TOX: variants seen among roughly 807,000 people sequenced by gnomAD.
TOX encodes the protein thymocyte selection associated high mobility group box, also known as thymocyte selection-associated high mobility group box protein TOX.
In TOX, 11 loss-of-function variants were observed where a neutral mutation model predicts 53.7. The ratio of observed to expected loss-of-function variants is 0.20; its 90% CI spans 0.13 to 0.34. The LOEUF (loss-of-function observed/expected upper bound fraction) is 0.34. Ranked by LOEUF, TOX falls within the 10% of genes least tolerant of loss-of-function variation. TOX has a pLI of 1.00. For synonymous variants in TOX, 225 were observed against 245.3 expected (o/e 0.92, Z 0.77); for missense variants, 570 against 664.6 (o/e 0.86, Z 1.56).
chr8:59,064,749 T>C (rs1195248714), intron 1 of TOX, among the ~76,000 whole-genome samples: 2 of 152,206 alleles, frequency 1.3e-5, no homozygotes, highest in African/African-American at 4.8e-5. Flanking sequence ...ACATTTTCTC[T>C]CTGATTTCCA....
chr8:58,839,321 T>C (rs536049790), intron 4 of TOX, among the ~76,000 whole-genome samples: 2 of 152,346 alleles, frequency 1.3e-5, no homozygotes, highest in African/African-American at 4.8e-5. Context: ...AATAGCTACA[T>C]ATGACTAATG....
intron 1 of TOX, among the ~76,000 whole-genome samples, chr8:59,081,578 T>C (rs191112343): frequency 6.6e-6 from 1 of 152,326 alleles, no homozygotes; most frequent in African/African-American, 2.4e-5. Context: ...CAGAGCATCA[T>C]TCAGCATCTC....
chr8:58,984,354 C>T (rs1329482776), intron 1 of TOX, among the ~76,000 whole-genome samples: 2 of 152,072 alleles, frequency 1.3e-5, no homozygotes, highest in African/African-American at 4.8e-5. Flanking sequence ...TGGGTAAAGA[C>T]CTTGGACAGA....
intron 3 of TOX, among the ~76,000 whole-genome samples, chr8:58,903,486 C>A (rs1172166079): frequency 1.3e-5 from 2 of 152,206 alleles, no homozygotes; most frequent in Non-Finnish European, 2.9e-5. Flanking sequence ...ATCCAAAATT[C>A]AGATATAGTT....
rs879734927 is a variant in TOX at position 59,117,330 on chromosome 8, C to T, written c.102+1556G>A. Among the ~76,000 whole-genome samples, 12 of 152,352 alleles carry T rather than the reference C, an allele frequency of 7.9e-5. No homozygotes were observed. Among genetic ancestry groups the T allele is most frequent in the Middle Eastern group, 3.4e-3 (1 of 294 alleles). On this transcript the variant is annotated intron_variant, in intron 1 of 8. Transcript: ENST00000361421. This position sits in a 1 kb window ranked among gnomAD's most constrained non-coding sequence, Gnocchi z 4.6. ...AAATAATGAAACTTCATCACACAAACTCCTATGCGCTTGCCAAAGTTCCCC... is the reference window on the plus strand; with the variant it reads ...AAATAATGAAACTTCATCACACAAATTCCTATGCGCTTGCCAAAGTTCCCC...
chr8:59,061,333 G>A (rs1332680122), intron 1 of TOX, among the ~76,000 whole-genome samples: 1 of 152,134 alleles, frequency 6.6e-6, no homozygotes, highest in Admixed American at 6.5e-5. Flanking sequence ...GGTACTGATT[G>A]TTGAGATAAA....
At chr8:58,968,983 T>A (rs1812953289) in intron 1 of TOX, among the ~76,000 whole-genome samples, 1 of 152,120 alleles carries the variant, frequency 6.6e-6, no homozygotes, top group African/African-American at 2.4e-5. Context: ...AGTGGTAGTA[T>A]CAAATAAAAA....
At chr8:58,848,934 T>C (rs917672165) in intron 4 of TOX, among the ~76,000 whole-genome samples, 1 of 152,232 alleles carries the variant, frequency 6.6e-6, no homozygotes, top group Admixed American at 6.5e-5. Flanking sequence ...AACTAAATAT[T>C]CTTGTTTAGT....
At chr8:58,880,589 T>C (rs1213123827) in intron 3 of TOX, among the ~76,000 whole-genome samples, 1 of 152,142 alleles carries the variant, frequency 6.6e-6, no homozygotes, top group Non-Finnish European at 1.5e-5. Flanking sequence ...AGGCATTCTC[T>C]CTCTTTCTGC....
At chr8:58,999,772 G>A (rs962612960) in intron 1 of TOX, among the ~76,000 whole-genome samples, 4 of 152,122 alleles carry the variant, frequency 2.6e-5, no homozygotes, top group Admixed American at 6.5e-5. Flanking sequence ...TTCACAATGA[G>A]ACTCTGGGGA....
At chr8:59,025,603 C>T (rs1041237198) in intron 1 of TOX, among the ~76,000 whole-genome samples, 10 of 152,180 alleles carry the variant, frequency 6.6e-5, no homozygotes, top group South Asian at 6.2e-4. Flanking sequence ...CTGATCACAC[C>T]GCTGGCGAAC....
At chr8:58,831,905 A>G (rs934186978) in intron 5 of TOX, among the ~76,000 whole-genome samples, 2 of 152,044 alleles carry the variant, frequency 1.3e-5, no homozygotes, top group Non-Finnish European at 2.9e-5. Context: ...CCACCCAAAC[A>G]TGTTTTTCAA....
At chr8:58,877,192 T>C (rs1306397266) in intron 3 of TOX, among the ~76,000 whole-genome samples, 1 of 152,224 alleles carries the variant, frequency 6.6e-6, no homozygotes, top group Non-Finnish European at 1.5e-5. Flanking sequence ...AGATTTTCCA[T>C]GTGTCTTCCT....
intron 4 of TOX, among the ~76,000 whole-genome samples, chr8:58,850,250 A>G (rs1810787766): frequency 6.6e-6 from 1 of 152,176 alleles, no homozygotes; most frequent in Non-Finnish European, 1.5e-5. Context: ...ATTGTGAGGA[A>G]GAAGTTTCCA....
intron 3 of TOX, among the ~76,000 whole-genome samples, chr8:58,913,806 T>A (rs968828486): frequency 1.3e-5 from 2 of 152,128 alleles, no homozygotes; most frequent in Non-Finnish European, 2.9e-5. Flanking sequence ...TTGCCGGATT[T>A]TTAGATGCTT....
chr8:58,815,833 T>C, intron 6 of TOX, 109 bp from the exon 7 acceptor site: 1 of 1,250,948 alleles, frequency 8.0e-7, no homozygotes, highest in South Asian at 1.5e-5. Context: ...TCCATACCCA[T>C]GACTATCCCG....
At chr8:58,888,777 C>A (rs1376132928) in intron 3 of TOX, among the ~76,000 whole-genome samples, 1 of 151,800 alleles carries the variant, frequency 6.6e-6, no homozygotes, top group Admixed American at 6.6e-5. Flanking sequence ...AGAAATAAAT[C>A]ATCATCCACT....
intron 1 of TOX, among the ~76,000 whole-genome samples, chr8:58,965,981 A>G (rs1476971436): frequency 6.8e-6 from 1 of 148,028 alleles, no homozygotes; most frequent in Admixed American, 6.8e-5. Flanking sequence ...CTAGAAGCAA[A>G]GCATTTTGAA....
chr8:58,950,617 A>G (rs1318420162), intron 2 of TOX, among the ~76,000 whole-genome samples: 4 of 152,140 alleles, frequency 2.6e-5, no homozygotes, highest in Admixed American at 2.6e-4. Flanking sequence ...AATGAAGACA[A>G]TTTCCCCCAG....
Sources: allele counts gnomAD v4.1 joint callset (sites outside exome capture counted in the v4.1 genomes callset), GRCh38; gene constraint gnomAD v4.1.1; non-coding constraint Gnocchi (gnomAD v3.1); transcripts MANE v1.5; gene names NCBI Gene and HGNC (gene_info 2026-07-23, HGNC 2026-07-21).